Variants in KCNH1 observed in about 807,000 individuals in gnomAD.
KCNH1 encodes potassium voltage-gated channel subfamily H member 1.
Under a neutral mutation model 69.2 loss-of-function variants are expected in KCNH1, and 27 were observed. The ratio of observed to expected loss-of-function variants is 0.39; its 90% CI spans 0.29 to 0.54. The LOEUF is 0.54. Among genes scored for constraint, KCNH1 ranks in the 20% least tolerant of loss-of-function variants. The probability of loss-of-function intolerance (pLI) is 0.68; values close to 1 mark genes in which losing one functional copy is unlikely to be tolerated. For missense variants in KCNH1, 798 were observed against 1,261.6 expected (o/e 0.63, Z 5.57); for synonymous variants, 456 against 487.7 (o/e 0.93, Z 0.86).
chr1:210,909,031 G>A (rs1273850583), intron 7 of KCNH1, among the ~76,000 whole-genome samples: 1 of 152,210 alleles, frequency 6.6e-6, no homozygotes, highest in African/African-American at 2.4e-5. Flanking sequence ...ATGATTCAGA[G>A]CCAGACCTCT....
At chr1:210,835,580 G>A (rs2102445732) in intron 7 of KCNH1, among the ~76,000 whole-genome samples, 1 of 152,280 alleles carries the variant, frequency 6.6e-6, no homozygotes, top group South Asian at 2.1e-4. Flanking sequence ...GGCAGCAGAG[G>A]AAGCCCAGAG....
intron 1 of KCNH1, among the ~76,000 whole-genome samples, chr1:211,118,820 AAACT>A: frequency 6.6e-6 from 1 of 152,114 alleles, no homozygotes; most frequent in Non-Finnish European, 1.5e-5. Flanking sequence ...AACAAAGGAA[AAACT>A]AACTGAAGCA....
At chr1:210,898,346 A>G (rs1163567305) in intron 7 of KCNH1, among the ~76,000 whole-genome samples, 1 of 152,248 alleles carries the variant, frequency 6.6e-6, no homozygotes, top group Non-Finnish European at 1.5e-5. Flanking sequence ...AACAATAAAT[A>G]TTTATAAACC....
rs1681313832 is a variant in KCNH1, at chr1:210,683,222, G to T, written c.*59C>A. ...GGTCATGTGGACATATGTGGTAGGG[G>T]TGGTGGTGACGGCAGGGTTGGAGGT... On this transcript the variant is annotated 3_prime_UTR_variant, in exon 11 of 11. Transcript: ENST00000271751. This position sits in a 1 kb window ranked among gnomAD's most constrained non-coding sequence, Gnocchi z 5.7. 6.6e-7 allele frequency: 1 copy of T among 1,506,470 alleles called. No individual in the cohort carries two copies. Among genetic ancestry groups the T allele is most frequent in the African/African-American group, 1.4e-5 (1 of 72,168 alleles). 93.3% of individuals were successfully genotyped at this position (1,506,470 alleles called of 1,614,324 possible). A position where few individuals can be genotyped will look rare whatever the true frequency, so the allele number is the denominator to read the frequency against.
intron 10 of KCNH1, among the ~76,000 whole-genome samples, chr1:210,755,722 T>C (rs942077610): frequency 1.3e-5 from 2 of 152,208 alleles, no homozygotes; most frequent in Non-Finnish European, 2.9e-5. Flanking sequence ...TGAGTACACT[T>C]TGACTTTATT....
At chr1:211,114,471 T>C (rs1228163586) in intron 1 of KCNH1, among the ~76,000 whole-genome samples, 3 of 152,212 alleles carry the variant, frequency 2.0e-5, no homozygotes, top group Admixed American at 2.0e-4. Context: ...AATAAGCCTA[T>C]GTATGTCTGA....
chr1:211,011,924 G>A (rs1229540551), intron 6 of KCNH1, among the ~76,000 whole-genome samples: 1 of 152,224 alleles, frequency 6.6e-6, no homozygotes, highest in Non-Finnish European at 1.5e-5. Flanking sequence ...AATGTTTCTA[G>A]CATGGAGGCA....
At chr1:210,718,546 GTATATATATAAAATATATACATATATT>G (rs1558438527) in intron 10 of KCNH1, among the ~76,000 whole-genome samples, 784 of 27,794 alleles carry the variant, frequency 0.028, 198 homozygotes, top group Admixed American at 0.043. Flanking sequence ...ATACATATAT[GTATATATATAAAATATATACATATATT>G]TATATATATA....
chr1:211,133,757 A>C lies in KCNH1; in HGVS notation c.79+110T>G, dbSNP rs1691920885. 2.9e-6 allele frequency: 3 copies of C among 1,040,758 alleles called. No individual in the cohort carries two copies. Among genetic ancestry groups the C allele is most frequent in the Admixed American group, 2.0e-5 (1 of 51,274 alleles). 64.5% of individuals were successfully genotyped at this position (1,040,758 alleles called of 1,614,324 possible). ...CTGGGTGCCCGCGCCGCGGCTCCTT[A>C]GCAGAGCTCGCGGGTTCTGCTGCAT... On this transcript the variant is annotated intron_variant, in intron 1 of 10. Transcript: ENST00000271751. The surrounding 1 kb of genome is among the most constrained non-coding windows in gnomAD (Gnocchi z 5.4).
intron 6 of KCNH1, among the ~76,000 whole-genome samples, chr1:210,964,525 A>G (rs966885910): frequency 3.9e-5 from 6 of 152,214 alleles, no homozygotes; most frequent in African/African-American, 1.2e-4. Flanking sequence ...ATTCCTGGAC[A>G]TATACCCTCT....
At chr1:210,866,759 C>CA (rs1474279392) in intron 7 of KCNH1, among the ~76,000 whole-genome samples, 3 of 151,822 alleles carry the variant, frequency 2.0e-5, no homozygotes, top group African/African-American at 4.8e-5. Flanking sequence ...AGTCTATACC[C>CA]AAAAAAGGCA....
chr1:211,064,465 G>A (rs1430124535), intron 5 of KCNH1, among the ~76,000 whole-genome samples: 1 of 152,124 alleles, frequency 6.6e-6, no homozygotes, highest in Non-Finnish European at 1.5e-5. Flanking sequence ...GGAGGCTGAG[G>A]CAGGAGAATG....
At chr1:210,819,047 A>G (rs1288157301) in intron 7 of KCNH1, among the ~76,000 whole-genome samples, 1 of 152,174 alleles carries the variant, frequency 6.6e-6, no homozygotes, top group Non-Finnish European at 1.5e-5. Context: ...AAGTATTTTA[A>G]TATGTTTAAG....
intron 10 of KCNH1, among the ~76,000 whole-genome samples, chr1:210,710,160 T>C (rs1047649197): frequency 6.6e-6 from 1 of 152,142 alleles, no homozygotes; most frequent in Non-Finnish European, 1.5e-5. Flanking sequence ...CTATAGATAA[T>C]TGTGTTTGTC....
chr1:211,075,604 G>A (rs1690718228), intron 5 of KCNH1, among the ~76,000 whole-genome samples: 1 of 152,192 alleles, frequency 6.6e-6, no homozygotes, highest in Admixed American at 6.5e-5. Context: ...TAAAGAACAG[G>A]ATTCCGGATC....
intron 6 of KCNH1, among the ~76,000 whole-genome samples, chr1:210,990,594 C>T (rs2102388703): frequency 6.6e-6 from 1 of 152,282 alleles, no homozygotes; most frequent in Non-Finnish European, 1.5e-5. Flanking sequence ...GGTTTCTAAA[C>T]CTAGCTGCAT....
intron 1 of KCNH1, among the ~76,000 whole-genome samples, chr1:211,126,403 G>C (rs1368176248): frequency 6.6e-6 from 1 of 151,966 alleles, no homozygotes; most frequent in African/African-American, 2.4e-5. Context: ...CCAGCTACTC[G>C]GGAGGCTGAG....
At chr1:210,821,375 C>A (rs939109619) in intron 7 of KCNH1, among the ~76,000 whole-genome samples, 2 of 152,194 alleles carry the variant, frequency 1.3e-5, no homozygotes, top group Admixed American at 1.3e-4. Flanking sequence ...TGTAGAGAAT[C>A]CACTCATGTA....
intron 10 of KCNH1, among the ~76,000 whole-genome samples, chr1:210,755,697 T>C (rs1683383484): frequency 6.6e-6 from 1 of 152,228 alleles, no homozygotes; most frequent in Non-Finnish European, 1.5e-5. Flanking sequence ...TTCATCTTCC[T>C]GAAATCTCCA....
Sources: gnomAD v4.1 joint callset for allele counts (sites outside exome capture counted in the v4.1 genomes callset) on GRCh38, gnomAD v4.1.1 for gene constraint, Gnocchi (gnomAD v3.1) non-coding constraint, MANE v1.5 for transcripts, NCBI Gene and HGNC (gene_info 2026-07-23, HGNC 2026-07-21) for gene names.